The following KIAA1328 variants were observed in gnomAD, a reference collection of about 807,000 sequenced individuals.
KIAA1328 encodes KIAA1328, also known as protein hinderin.
KIAA1328 carries 52 observed loss-of-function variants against 68.1 expected under a neutral mutation model. The observed-to-expected ratio is 0.76, with a 90% CI of 0.61 to 0.96. The LOEUF (loss-of-function observed/expected upper bound fraction) is 0.96. Ranked by LOEUF, KIAA1328 falls within the 40% of genes least tolerant of loss-of-function variation. KIAA1328 has a pLI of 0.00. For synonymous variants in KIAA1328, 232 were observed against 239.4 expected (o/e 0.97, Z 0.28); for missense variants, 641 against 677.6 (o/e 0.95, Z 0.60).
At chr18:37,217,914 T>C (rs932587389) in intron 9 of KIAA1328, among the ~76,000 whole-genome samples, 1 of 152,130 alleles carries the variant, frequency 6.6e-6, no homozygotes, top group African/African-American at 2.4e-5. Context: ...TCATTTGTTA[T>C]AGCCACAGGA....
In KIAA1328 at chr18:37,128,366, C is replaced by T. The variant is rs1340438519; in HGVS notation, c.1233-31834C>T. 3.3e-5 allele frequency among the ~76,000 whole-genome samples: 5 copies of T among 151,968 alleles called. No individual in the cohort carries two copies. In the East Asian group the frequency reaches 7.7e-4, roughly 23 times the overall value. On this transcript the variant is annotated intron_variant, in intron 7 of 9. Transcript: ENST00000280020. ...GTGCACACCTGTAATCCCAGGTTCT[C>T]GGGAAGCTGAGGCACGAAAACCCTT...
At chr18:37,094,914 A>G (rs2057362138) in intron 7 of KIAA1328, among the ~76,000 whole-genome samples, 1 of 151,914 alleles carries the variant, frequency 6.6e-6, no homozygotes, top group Admixed American at 6.6e-5. Flanking sequence ...AAGCATACAG[A>G]GGCAGTTATA....
At chr18:36,885,477 TG>T (rs2048465525) in intron 4 of KIAA1328, 79 bp from the exon 5 acceptor site, 1 of 736,198 alleles carries the variant, frequency 1.4e-6, no homozygotes, top group Non-Finnish European at 2.1e-6. Flanking sequence ...GGAAGAAGTC[TG>T]GTTTTGTAAA....
intron 6 of KIAA1328, among the ~76,000 whole-genome samples, chr18:37,053,339 G>C (rs533393390): frequency 1.3e-5 from 2 of 152,254 alleles, no homozygotes; most frequent in South Asian, 2.1e-4. Context: ...ATACACTCAA[G>C]ATGGACTAAA....
intron 7 of KIAA1328, among the ~76,000 whole-genome samples, chr18:37,076,823 G>T (rs1042771333): frequency 1.2e-4 from 19 of 152,154 alleles, no homozygotes; most frequent in African/African-American, 4.6e-4. Flanking sequence ...AACAGGATCT[G>T]AAATTGTGGC....
intron 5 of KIAA1328, among the ~76,000 whole-genome samples, chr18:36,938,166 C>A (rs916334342): frequency 6.6e-6 from 1 of 152,062 alleles, no homozygotes; most frequent in African/African-American, 2.4e-5. Flanking sequence ...AATTTTCTGA[C>A]GAACTTCCAT....
chr18:36,846,315 T>A (rs572464972), intron 4 of KIAA1328, among the ~76,000 whole-genome samples: 2 of 151,722 alleles, frequency 1.3e-5, no homozygotes, highest in East Asian at 3.9e-4. Context: ...CTCCTTTCAC[T>A]ATATATTTCC....
intron 8 of KIAA1328, among the ~76,000 whole-genome samples, chr18:37,166,832 A>G (rs2059398781): frequency 6.6e-6 from 1 of 152,210 alleles, no homozygotes; most frequent in African/African-American, 2.4e-5. Flanking sequence ...AATAACAATG[A>G]GGCAAACAAT....
At chr18:37,215,193 AG>A (rs1385935025) in intron 9 of KIAA1328, among the ~76,000 whole-genome samples, 1 of 152,194 alleles carries the variant, frequency 6.6e-6, no homozygotes, top group East Asian at 1.9e-4. Context: ...TATGTTGAAT[AG>A]GAGTGGTGAG....
At chr18:37,173,229 C>T (rs1213285128) in intron 9 of KIAA1328, 148 bp downstream of exon 9, 3 of 567,368 alleles carry the variant, frequency 5.3e-6, no homozygotes, top group Middle Eastern at 2.9e-4. Context: ...TAGATTTGGC[C>T]AGTTTGAACC....
At chr18:36,948,945 A>C (rs999136116) in intron 5 of KIAA1328, among the ~76,000 whole-genome samples, 2 of 152,160 alleles carry the variant, frequency 1.3e-5, no homozygotes, top group Non-Finnish European at 2.9e-5. Context: ...TATTCACACA[A>C]CTTCACTGAT....
intron 8 of KIAA1328, among the ~76,000 whole-genome samples, chr18:37,161,869 G>A (rs1156616581): frequency 6.6e-6 from 1 of 152,240 alleles, no homozygotes; most frequent in Non-Finnish European, 1.5e-5. Context: ...AGCAACAGTA[G>A]AAAGCAGCAA....
At position 37,030,998 on chromosome 18, in the gene KIAA1328, C is replaced by T. The variant is rs184873633; in HGVS notation, c.577-35892C>T. Among the ~76,000 whole-genome samples the T allele has an allele frequency of 2.0e-5, 3 of 152,270 alleles. No individual in the cohort carries two copies. The East Asian group carries it at 5.8e-4, about 29-fold the overall frequency. ...GTTTCCAGCTTCATCCATGTCACTA[C>T]AAAGGACATGAACTCATCATTTTTT... On this transcript the variant is annotated intron_variant, in intron 6 of 9. Coordinates refer to ENST00000280020, the MANE Select transcript of KIAA1328 (RefSeq NM_020776.3).
chr18:37,132,799 A>G (rs933738758), intron 7 of KIAA1328, among the ~76,000 whole-genome samples: 2 of 152,224 alleles, frequency 1.3e-5, no homozygotes, highest in African/African-American at 4.8e-5. Flanking sequence ...CTGAATGCTC[A>G]TAGCAACTTT....
chr18:37,208,085 A>G (rs1349090819), intron 9 of KIAA1328, among the ~76,000 whole-genome samples: 2 of 152,188 alleles, frequency 1.3e-5, no homozygotes, highest in African/African-American at 4.8e-5. Flanking sequence ...CTAGGATTAC[A>G]GATGTGAGCC....
intron 9 of KIAA1328, among the ~76,000 whole-genome samples, chr18:37,198,402 G>C (rs552714204): frequency 2.6e-5 from 4 of 152,280 alleles, no homozygotes; most frequent in Non-Finnish European, 1.5e-5. Flanking sequence ...GTATGCTGCA[G>C]TGTCATTATG....
At chr18:37,024,551 C>G (rs1334548888) in intron 6 of KIAA1328, among the ~76,000 whole-genome samples, 1 of 144,620 alleles carries the variant, frequency 6.9e-6, no homozygotes, top group East Asian at 2.1e-4. Context: ...CAACCAGCCC[C>G]GGTGTGTGAT....
intron 6 of KIAA1328, among the ~76,000 whole-genome samples, chr18:36,969,429 A>C (rs895474162): frequency 6.6e-6 from 1 of 152,238 alleles, no homozygotes; most frequent in South Asian, 2.1e-4. Context: ...GATCCAAGTA[A>C]ACACAATCAG....
intron 8 of KIAA1328, among the ~76,000 whole-genome samples, chr18:37,166,606 C>T (rs1327559796): frequency 6.6e-6 from 1 of 152,120 alleles, no homozygotes; most frequent in African/African-American, 2.4e-5. Flanking sequence ...GTTTTAGTAT[C>T]TGCCCTCTGA....
Sources: allele counts gnomAD v4.1 joint callset (sites outside exome capture counted in the v4.1 genomes callset), GRCh38; gene constraint gnomAD v4.1.1; transcripts MANE v1.5; gene names NCBI Gene and HGNC (gene_info 2026-07-23, HGNC 2026-07-21).